Variants in PRKG1 observed in about 807,000 individuals in gnomAD.
PRKG1 encodes cGMP-dependent protein kinase 1.
In PRKG1, 35 loss-of-function variants were observed where a neutral mutation model predicts 88.1. That is an observed-to-expected ratio of 0.40 (90% CI 0.30 to 0.53). PRKG1 has a LOEUF of 0.53. Ranked by LOEUF, PRKG1 falls within the 20% of genes least tolerant of loss-of-function variation. The probability of loss-of-function intolerance (pLI) is 0.59; values close to 1 mark genes in which losing one functional copy is unlikely to be tolerated. For synonymous variants in PRKG1, 303 were observed against 292.5 expected (o/e 1.04, Z -0.37); for missense variants, 540 against 839.8 (o/e 0.64, Z 4.41).
chr10:51,622,278 G>C (rs1015951529), intron 3 of PRKG1, among the ~76,000 whole-genome samples: 2 of 152,164 alleles, frequency 1.3e-5, no homozygotes, highest in Non-Finnish European at 2.9e-5. Context: ...GATGAAACTG[G>C]AGGCCTGGCT....
intron 1 of PRKG1, among the ~76,000 whole-genome samples, chr10:51,119,622 A>G (rs183841284): frequency 6.6e-6 from 1 of 152,158 alleles, no homozygotes; most frequent in Non-Finnish European, 1.5e-5. Flanking sequence ...TTGATTTTGG[A>G]CATAATTCCA....
chr10:51,547,129 C>T (rs1842461051), intron 3 of PRKG1, among the ~76,000 whole-genome samples: 1 of 152,022 alleles, frequency 6.6e-6, no homozygotes, highest in Non-Finnish European at 1.5e-5. Context: ...CTAATATATA[C>T]ATACAGACAT....
chr10:51,444,923 G>C (rs1282561119), intron 2 of PRKG1, among the ~76,000 whole-genome samples: 1 of 151,850 alleles, frequency 6.6e-6, no homozygotes, highest in African/African-American at 2.4e-5. Flanking sequence ...TCTTGGGACT[G>C]GGTTAAAAAA....
intron 12 of PRKG1, among the ~76,000 whole-genome samples, chr10:52,275,132 G>T (rs376775822): frequency 6.6e-6 from 1 of 152,136 alleles, no homozygotes; most frequent in East Asian, 1.9e-4. Context: ...TCTGTGGGTT[G>T]TCTGTTTACT....
chr10:51,073,937 T>A (rs1843876881), upstream of PRKG1, among the ~76,000 whole-genome samples: 1 of 152,096 alleles, frequency 6.6e-6, no homozygotes, highest in Non-Finnish European at 1.5e-5. Context: ...GCCGTCAAAA[T>A]ACCTCCAGAA....
chr10:52,149,799 A>G (rs776199309), intron 8 of PRKG1, among the ~76,000 whole-genome samples: 4 of 150,606 alleles, frequency 2.7e-5, no homozygotes, highest in Non-Finnish European at 4.4e-5. Context: ...GAACTTTTAT[A>G]CACATAATAC....
At chr10:51,842,379 T>C (rs1191708820) in intron 4 of PRKG1, among the ~76,000 whole-genome samples, 2 of 152,216 alleles carry the variant, frequency 1.3e-5, no homozygotes, top group Non-Finnish European at 2.9e-5. Context: ...TCATCCAACT[T>C]GCATGTAGCT....
intron 4 of PRKG1, among the ~76,000 whole-genome samples, chr10:51,839,744 G>A (rs374827203): frequency 1.3e-5 from 2 of 152,102 alleles, no homozygotes; most frequent in African/African-American, 2.4e-5. Flanking sequence ...TATGGAGGTC[G>A]TTCTTTAGGT....
intron 1 of PRKG1, among the ~76,000 whole-genome samples, chr10:51,006,916 G>A (rs529151183): frequency 6.6e-6 from 1 of 150,546 alleles, no homozygotes. Context: ...TGATTCAGTA[G>A]GTCTGGGGAA....
chr10:51,802,487 T>G (rs1478524102), intron 3 of PRKG1, among the ~76,000 whole-genome samples: 1 of 152,092 alleles, frequency 6.6e-6, no homozygotes, highest in Non-Finnish European at 1.5e-5. Context: ...ATACATTCAG[T>G]TTAGATATTT....
chr10:51,201,666 C>T (rs1253679055), intron 2 of PRKG1, among the ~76,000 whole-genome samples: 1 of 151,878 alleles, frequency 6.6e-6, no homozygotes, highest in Non-Finnish European at 1.5e-5. Flanking sequence ...GGAGTGGAGC[C>T]CTTGTGAATG....
At chr10:52,286,696 T>C (rs537904008) in intron 14 of PRKG1, among the ~76,000 whole-genome samples, 1 of 151,622 alleles carries the variant, frequency 6.6e-6, no homozygotes, top group African/African-American at 2.4e-5. Context: ...AGTTAAAACA[T>C]GTCATTACAG....
chr10:51,165,527 T>A (rs1238804423), intron 2 of PRKG1, among the ~76,000 whole-genome samples: 2 of 152,008 alleles, frequency 1.3e-5, no homozygotes, highest in East Asian at 3.9e-4. Context: ...AATGACAGGA[T>A]CAAATTCACA....
rs115636557 is a variant in PRKG1, at chr10:51,107,026, T to G, written c.311+32125T>G. 4.7e-3 allele frequency among the ~76,000 whole-genome samples: 718 copies of G among 152,298 alleles called. 1 individual carries two copies. Among genetic ancestry groups the G allele is most frequent in the African/African-American group, 0.016 (668 of 41,552 alleles). The stretch of plus-strand genomic sequence containing the variant: ...AATGAATGAAACAGCTTACTGTTAA[T>G]GATTGAGTGGGGTAAGAGGATGGAC... On this transcript the variant is annotated intron_variant, in intron 1 of 17. Coordinates refer to ENST00000373980, the MANE Select transcript of PRKG1 (RefSeq NM_006258.4).
chr10:51,653,909 A>C (rs1017273570), intron 3 of PRKG1, among the ~76,000 whole-genome samples: 6 of 152,186 alleles, frequency 3.9e-5, no homozygotes, highest in Non-Finnish European at 8.8e-5. Flanking sequence ...TTTTCTTGCT[A>C]AGGTTGAGTT....
chr10:52,054,449 G>A (rs1393935597), intron 5 of PRKG1, 35 bp from the exon 6 acceptor site: 1 of 1,537,250 alleles, frequency 6.5e-7, no homozygotes, highest in Middle Eastern at 1.7e-4. Context: ...CTTACTGCTT[G>A]CTTAATTTTT....
intron 2 of PRKG1, among the ~76,000 whole-genome samples, chr10:51,157,733 AT>A (rs1846249446): frequency 6.6e-6 from 1 of 151,892 alleles, no homozygotes; most frequent in African/African-American, 2.4e-5. Flanking sequence ...AATTTTTAAA[AT>A]GGCAAGTGTC....
intron 2 of PRKG1, among the ~76,000 whole-genome samples, chr10:51,395,452 C>G (rs753138912): frequency 6.6e-6 from 1 of 152,144 alleles, no homozygotes; most frequent in Non-Finnish European, 1.5e-5. Flanking sequence ...TTATGCCTGC[C>G]CTGGTTCAGA....
chr10:52,026,052 A>C (rs563447267), intron 5 of PRKG1, among the ~76,000 whole-genome samples: 1 of 152,100 alleles, frequency 6.6e-6, no homozygotes, highest in South Asian at 2.1e-4. Flanking sequence ...AACCTGACAA[A>C]AACAAGCAAT....
Sources: allele counts gnomAD v4.1 joint callset (sites outside exome capture counted in the v4.1 genomes callset), GRCh38; gene constraint gnomAD v4.1.1; transcripts MANE v1.5; gene names NCBI Gene and HGNC (gene_info 2026-07-23, HGNC 2026-07-21).